The following CNTNAP2 variants were observed in gnomAD, a reference collection of about 807,000 sequenced individuals.
CNTNAP2 encodes the protein contactin associated protein 2, also known as contactin-associated protein-like 2.
CNTNAP2 carries 98 observed loss-of-function variants against 155.2 expected under a neutral mutation model. That is an observed-to-expected ratio of 0.63 (90% CI 0.54 to 0.75). CNTNAP2 has a LOEUF of 0.75. Among genes scored for constraint, CNTNAP2 ranks in the 30% least tolerant of loss-of-function variants. CNTNAP2 has a pLI of 0.00. For synonymous variants in CNTNAP2, 651 were observed against 631.2 expected (o/e 1.03, Z -0.47); for missense variants, 1,727 against 1,688.1 (o/e 1.02, Z -0.40).
At chr7:146,240,027 A>C (rs1799534184) in intron 1 of CNTNAP2, among the ~76,000 whole-genome samples, 2 of 152,204 alleles carry the variant, frequency 1.3e-5, no homozygotes, top group Non-Finnish European at 2.9e-5. Flanking sequence ...TAACATCAGA[A>C]TATCTTATAT....
At chr7:147,387,360 G>C (rs1396509524) in intron 9 of CNTNAP2, among the ~76,000 whole-genome samples, 2 of 152,102 alleles carry the variant, frequency 1.3e-5, no homozygotes, top group East Asian at 3.9e-4. Flanking sequence ...TTTGTCGCTT[G>C]TCCTGAAATT....
chr7:147,409,882 T>G (rs1454240500), intron 10 of CNTNAP2, among the ~76,000 whole-genome samples: 1 of 151,946 alleles, frequency 6.6e-6, no homozygotes, highest in African/African-American at 2.4e-5. Context: ...AAATGGCTAT[T>G]ATTAAAACGT....
At chr7:147,314,794 G>C (rs776645653) in intron 9 of CNTNAP2, among the ~76,000 whole-genome samples, 3 of 151,132 alleles carry the variant, frequency 2.0e-5, no homozygotes, top group African/African-American at 7.3e-5. Context: ...GAAAATACAT[G>C]TAAAGGGGGA....
Position 148,066,055 on chromosome 7 carries a change from T to C in CNTNAP2, c.2384-52063T>C, listed in dbSNP as rs188372742. 1.7e-3 allele frequency among the ~76,000 whole-genome samples: 265 copies of C among 152,310 alleles called. 5 individuals carry two copies. Among genetic ancestry groups the C allele is most frequent in the South Asian group, 2.9e-3 (14 of 4,824 alleles). On this transcript the variant is annotated intron_variant, in intron 15 of 23. Transcript: ENST00000361727. Reference sequence around the variant, plus strand: ...TTTCATTTGTGAAGCTTAGTTTCACTGGATACAAAATTCTTGGCTTTTAAT... The same window carrying C: ...TTTCATTTGTGAAGCTTAGTTTCACCGGATACAAAATTCTTGGCTTTTAAT...
At chr7:148,029,245 T>C (rs994615627) in intron 15 of CNTNAP2, among the ~76,000 whole-genome samples, 2 of 152,150 alleles carry the variant, frequency 1.3e-5, no homozygotes, top group African/African-American at 4.8e-5. Flanking sequence ...ACTCCAAAGT[T>C]CTATGCTTAA....
intron 13 of CNTNAP2, among the ~76,000 whole-genome samples, chr7:147,803,831 T>C (rs1798046206): frequency 6.6e-6 from 1 of 152,228 alleles, no homozygotes; most frequent in African/African-American, 2.4e-5. Flanking sequence ...CCCTGTGTTG[T>C]TTATACTCAG....
At chr7:148,099,025 G>A (rs1804035688) in intron 15 of CNTNAP2, among the ~76,000 whole-genome samples, 1 of 152,144 alleles carries the variant, frequency 6.6e-6, no homozygotes, top group Non-Finnish European at 1.5e-5. Context: ...AGAACAGCCG[G>A]GGACAGTGAG....
chr7:148,102,262 A>G (rs1804116348), intron 15 of CNTNAP2, among the ~76,000 whole-genome samples: 2 of 152,200 alleles, frequency 1.3e-5, no homozygotes, highest in African/African-American at 4.8e-5. Context: ...GCTGGGGATG[A>G]TGGCCTTCAG....
At chr7:146,924,519 T>C in intron 3 of CNTNAP2, among the ~76,000 whole-genome samples, 1 of 152,122 alleles carries the variant, frequency 6.6e-6, no homozygotes, top group Non-Finnish European at 1.5e-5. Flanking sequence ...TCACTTTCCT[T>C]AGGAGGTCAG....
intron 8 of CNTNAP2, among the ~76,000 whole-genome samples, chr7:147,218,181 T>A (rs965074064): frequency 5.9e-5 from 9 of 151,888 alleles, no homozygotes; most frequent in South Asian, 4.1e-4. Context: ...TTCTTCTTAC[T>A]TTGAGTTTAA....
chr7:146,560,871 T>C (rs1460846940), intron 1 of CNTNAP2, among the ~76,000 whole-genome samples: 1 of 152,138 alleles, frequency 6.6e-6, no homozygotes, highest in African/African-American at 2.4e-5. Flanking sequence ...TCCTCTTTCA[T>C]TTCAATTCAA....
At chr7:147,975,952 T>G (rs1801419845) in intron 14 of CNTNAP2, among the ~76,000 whole-genome samples, 1 of 152,232 alleles carries the variant, frequency 6.6e-6, no homozygotes, top group Admixed American at 6.5e-5. Flanking sequence ...ATATACATTT[T>G]AGACTTTGGG....
At chr7:146,596,153 A>AT (rs1379752498) in intron 1 of CNTNAP2, among the ~76,000 whole-genome samples, 1 of 152,064 alleles carries the variant, frequency 6.6e-6, no homozygotes, top group East Asian at 1.9e-4. Flanking sequence ...ATTCTGCTAT[A>AT]TATGTCTATA....
intron 9 of CNTNAP2, among the ~76,000 whole-genome samples, chr7:147,375,677 C>T (rs953208126): frequency 6.6e-6 from 1 of 152,034 alleles, no homozygotes; most frequent in Non-Finnish European, 1.5e-5. Flanking sequence ...GCACAGATAC[C>T]TCTCCCCACA....
rs10673467 is a variant in CNTNAP2, at chr7:146,550,401, G to GTTTTTTTTTTTTTTTTT, written c.98-223858_98-223842dup. On this transcript the variant is annotated intron_variant, in intron 1 of 23. Transcript: ENST00000361727. The stretch of plus-strand genomic sequence containing the variant: ...TTATAGCAGTGAGGTCCATTAATCT[G>GTTTTTTTTTTTTTTTTT]TTTTTTTTTTTTTTTTTTTTTTTTT... Among the ~76,000 whole-genome samples the GTTTTTTTTTTTTTTTTT allele has an allele frequency of 2.0e-4, 11 of 54,382 alleles. 4 individuals carry two copies. The highest frequency in any genetic ancestry group is 7.8e-4 in the African/African-American group (11 of 14,076). 35.7% of individuals were successfully genotyped at this position (54,382 alleles called of 152,430 possible).
Position 147,284,262 on chromosome 7 carries a change from A to G in CNTNAP2, c.1349-15879A>G, listed in dbSNP as rs545842889. Among the ~76,000 whole-genome samples, 33 of 151,982 alleles carry G rather than the reference A, an allele frequency of 2.2e-4. No individual in the cohort carries two copies. In the South Asian group the frequency reaches 6.6e-3, roughly 31 times the overall value. ...TCTTTTTTTTAAGTAGTTAGCATGA[A>G]AAGGAATCTTGTAATTCAGCTGGAA... On this transcript the variant is annotated intron_variant, in intron 8 of 23. Transcript: ENST00000361727.
chr7:148,102,634 G>A (rs1480468363), intron 15 of CNTNAP2, among the ~76,000 whole-genome samples: 2 of 152,312 alleles, frequency 1.3e-5, no homozygotes, highest in Admixed American at 6.5e-5. Context: ...ATCCAAGCAC[G>A]TACTTTTGTA....
chr7:147,926,171 A>G (rs1800394855), intron 14 of CNTNAP2, among the ~76,000 whole-genome samples: 1 of 152,182 alleles, frequency 6.6e-6, no homozygotes, highest in East Asian at 1.9e-4. Flanking sequence ...ATGAAGAGAT[A>G]TTAAAATGGA....
At chr7:146,640,387 C>T (rs771365696) in intron 1 of CNTNAP2, among the ~76,000 whole-genome samples, 8 of 152,132 alleles carry the variant, frequency 5.3e-5, no homozygotes, top group Non-Finnish European at 8.8e-5. Context: ...TGATAATGTG[C>T]ACACTGGAGA....
Sources: gnomAD v4.1 joint callset for allele counts (sites outside exome capture counted in the v4.1 genomes callset) on GRCh38, gnomAD v4.1.1 for gene constraint, MANE v1.5 for transcripts, NCBI Gene and HGNC (gene_info 2026-07-23, HGNC 2026-07-21) for gene names.